BAIAP2L1: variants seen among roughly 807,000 people sequenced by gnomAD.
BAIAP2L1 encodes the protein BAR/IMD domain-containing adapter protein 2-like 1.
BAIAP2L1 carries 35 observed loss-of-function variants against 66.3 expected under a neutral mutation model. The observed-to-expected ratio is 0.53, with a 90% CI of 0.40 to 0.70. The LOEUF (loss-of-function observed/expected upper bound fraction) is 0.70, where lower values mean the gene tolerates loss of function less well. BAIAP2L1 is among the 30% of genes least tolerant of loss of function. BAIAP2L1 has a pLI of 0.00. For missense variants in BAIAP2L1, 622 were observed against 656.9 expected (o/e 0.95, Z 0.58); for synonymous variants, 269 against 248.7 (o/e 1.08, Z -0.77).
chr7:98,391,577 T>TGGC (rs1370941681), intron 1 of BAIAP2L1, among the ~76,000 whole-genome samples: 1 of 151,806 alleles, frequency 6.6e-6, no homozygotes, highest in Non-Finnish European at 1.5e-5. Flanking sequence ...CCGGGCATGG[T>TGGC]GGCGGGCACC....
intron 3 of BAIAP2L1, among the ~76,000 whole-genome samples, chr7:98,334,906 T>C (rs1408061731): frequency 1.4e-5 from 2 of 146,988 alleles, no homozygotes; most frequent in Non-Finnish European, 3.0e-5. Flanking sequence ...TCCCAGCACT[T>C]TGGGAGGCCG....
intron 10 of BAIAP2L1, 66 bp downstream of exon 10, chr7:98,307,623 A>G (rs1174119241): frequency 6.3e-7 from 1 of 1,594,026 alleles, no homozygotes; most frequent in Non-Finnish European, 8.6e-7. Flanking sequence ...GACAGTTTGC[A>G]GCTTGGCTGC....
intron 1 of BAIAP2L1, among the ~76,000 whole-genome samples, chr7:98,384,138 G>A (rs928452295): frequency 7.1e-6 from 1 of 141,540 alleles, no homozygotes; most frequent in Non-Finnish European, 1.5e-5. Context: ...TGGGCAACAA[G>A]AGTGAAACTC....
chr7:98,311,351 G>C (rs907974757), intron 8 of BAIAP2L1, among the ~76,000 whole-genome samples: 2 of 151,656 alleles, frequency 1.3e-5, no homozygotes, highest in African/African-American at 4.8e-5. Context: ...TGACCATCCT[G>C]GCTAACATGG....
In BAIAP2L1 at chr7:98,400,846, G is replaced by A. The variant is rs985228159; in HGVS notation, c.7C>T (p.Arg3Trp). Reference protein sequence around the residue: MSRGPEEVNRLTE... With the variant: MSWGPEEVNRLTE... ...AGCCGGTTCACCTCCTCGGGCCCCCGGGACATGGCTGCGGCCGCCGGGCGA... is the reference window on the plus strand; with the variant it reads ...AGCCGGTTCACCTCCTCGGGCCCCCAGGACATGGCTGCGGCCGCCGGGCGA... The change falls in exon 1 of 14, where the codon CGG becomes TGG. Residue 3 changes from arginine (R) to tryptophan (W), a missense_variant. Arg to Trp is a moderately radical substitution (Grantham distance 101). Coordinates refer to ENST00000005260, the MANE Select transcript of BAIAP2L1 (RefSeq NM_018842.5). The A allele has an allele frequency of 3.2e-6, 5 of 1,542,178 alleles. No homozygotes were observed. The African/African-American group carries it at 5.6e-5, about 17-fold the overall frequency.
At chr7:98,393,078 C>CATATATGTATATATAT (rs1562795839) in intron 1 of BAIAP2L1, among the ~76,000 whole-genome samples, 16 of 128,418 alleles carry the variant, frequency 1.2e-4, no homozygotes, top group African/African-American at 2.8e-4. Context: ...TATGTATACA[C>CATATATGTATATATAT]ACACATATAT....
chr7:98,315,929 A>C (rs1053477825), intron 6 of BAIAP2L1, among the ~76,000 whole-genome samples: 1 of 152,182 alleles, frequency 6.6e-6, no homozygotes, highest in African/African-American at 2.4e-5. Flanking sequence ...TGGAACCAGA[A>C]AGTTCCAGGT....
intron 2 of BAIAP2L1, 65 bp downstream of exon 2, chr7:98,362,292 T>A: frequency 3.1e-6 from 4 of 1,282,040 alleles, no homozygotes. Flanking sequence ...ATACTAAGCA[T>A]TTAAAAATAA....
intron 3 of BAIAP2L1, among the ~76,000 whole-genome samples, chr7:98,334,199 AT>A (rs1276285860): frequency 1.3e-5 from 2 of 152,154 alleles, no homozygotes; most frequent in Non-Finnish European, 2.9e-5. Flanking sequence ...TAGGTAACAA[AT>A]TTCTATAGTT....
intron 3 of BAIAP2L1, among the ~76,000 whole-genome samples, chr7:98,353,437 T>A (rs7802959): frequency 3.0e-4 from 41 of 137,148 alleles, no homozygotes; most frequent in Non-Finnish European, 5.8e-4. Flanking sequence ...ATATTATATA[T>A]AAATATATAT....
chr7:98,318,172 G>A (rs1338410211), intron 5 of BAIAP2L1, among the ~76,000 whole-genome samples: 1 of 152,182 alleles, frequency 6.6e-6, no homozygotes, highest in Non-Finnish European at 1.5e-5. Context: ...TTGTTCTAAA[G>A]GTTACTGTTT....
At chr7:98,323,804 G>A (rs901513322) in intron 3 of BAIAP2L1, among the ~76,000 whole-genome samples, 3 of 152,202 alleles carry the variant, frequency 2.0e-5, no homozygotes, top group Non-Finnish European at 2.9e-5. Context: ...CGGAGTCAGC[G>A]GTCACAGAAA....
chr7:98,312,383 C>A (rs1800906154), intron 7 of BAIAP2L1, 119 bp from the exon 8 acceptor site: 1 of 1,147,590 alleles, frequency 8.7e-7, no homozygotes, highest in South Asian at 1.6e-5. Flanking sequence ...AGTGTGGGGG[C>A]CCTGGGTTAA....
Position 98,292,440 on chromosome 7 carries a change from C to T in BAIAP2L1, c.*1081G>A, listed in dbSNP as rs1188138153. 3.4e-6 allele frequency: 2 copies of T among 584,948 alleles called. No individual in the cohort carries two copies. The highest frequency in any genetic ancestry group is 6.0e-6 in the Non-Finnish European group (2 of 331,770). 36.2% of individuals were successfully genotyped at this position (584,948 alleles called of 1,614,324 possible). A position where few individuals can be genotyped will look rare whatever the true frequency, so the allele number is the denominator to read the frequency against. On this transcript the variant is annotated 3_prime_UTR_variant, in exon 14 of 14. Transcript: ENST00000005260. Reference sequence around the variant, plus strand: ...CCCCCTGCCTCGGCCTCACAAAATGCTGGGATTCCCGTACCTGGGCCGGGC... The same window carrying T: ...CCCCCTGCCTCGGCCTCACAAAATGTTGGGATTCCCGTACCTGGGCCGGGC...
At chr7:98,306,585 C>G (rs1049834062) in intron 10 of BAIAP2L1, 69 bp from the exon 11 acceptor site, 2 of 1,610,308 alleles carry the variant, frequency 1.2e-6, no homozygotes, top group African/African-American at 2.7e-5. Flanking sequence ...CCTGAACAAC[C>G]TGGTGAGAGC....
intron 6 of BAIAP2L1, among the ~76,000 whole-genome samples, chr7:98,316,755 C>G (rs1801086499): frequency 6.6e-6 from 1 of 152,118 alleles, no homozygotes; most frequent in Non-Finnish European, 1.5e-5. Context: ...GACCCATTAA[C>G]CAACCTCTCC....
intron 1 of BAIAP2L1, among the ~76,000 whole-genome samples, chr7:98,375,250 T>C (rs6955647): frequency 0.4 from 60,589 of 151,104 alleles, 13,145 homozygotes; most frequent in Middle Eastern, 0.55. Flanking sequence ...AAAACTTAGT[T>C]GGGCCTGGTG....
intron 6 of BAIAP2L1, among the ~76,000 whole-genome samples, chr7:98,316,296 C>T (rs535018803): frequency 6.6e-6 from 1 of 152,036 alleles, no homozygotes; most frequent in African/African-American, 2.4e-5. Flanking sequence ...TGCCCAGTCT[C>T]GGGGTATGTC....
chr7:98,304,117 C>G (rs1011138130), intron 12 of BAIAP2L1, 79 bp downstream of exon 12: 1 of 1,407,330 alleles, frequency 7.1e-7, no homozygotes, highest in South Asian at 1.5e-5. Flanking sequence ...CAGAGCAAGG[C>G]GGTCACCACA....
Sources: gnomAD v4.1 joint callset for allele counts (sites outside exome capture counted in the v4.1 genomes callset) on GRCh38, gnomAD v4.1.1 for gene constraint, MANE v1.5 for transcripts, NCBI Gene and HGNC (gene_info 2026-07-23, HGNC 2026-07-21) for gene names.